Variants in ANK2 observed in about 807,000 individuals in gnomAD.
ANK2 encodes ankyrin 2, also known as ankyrin-2.
ANK2 carries 83 observed loss-of-function variants against 360.5 expected under a neutral mutation model. That is an observed-to-expected ratio of 0.23 (90% confidence interval 0.19 to 0.28). The LOEUF (loss-of-function observed/expected upper bound fraction) is 0.28. ANK2 is among the 10% of genes least tolerant of loss of function. ANK2 has a pLI of 1.00. For synonymous variants in ANK2, 1,740 were observed against 1,759.5 expected, an observed-to-expected ratio of 0.99 and a Z score of 0.28; for missense variants, 4,201 against 4,795.7, an observed-to-expected ratio of 0.88 and a Z score of 3.66.
In ANK2 at chr4:113,369,665, C is replaced by T. The variant is rs747961230; in HGVS notation, c.11470C>T (p.Pro3824Ser). The T allele has an allele frequency of 6.2e-7, 1 of 1,614,102 alleles. No individual in the cohort carries two copies. Among genetic ancestry groups the T allele is most frequent in the Non-Finnish European group, 8.5e-7 (1 of 1,180,016 alleles). ...AACATCCAGCGAGCGGGGAGGCTCT[C>T]CCATCATACAAGAACCCGAAGAGCC... ...TPTSSERGGS[P>S]IIQEPEEPSE... Residue 3824 changes from proline (P) to serine (S), a missense_variant, in exon 43 of 46, where the codon CCC becomes TCC. Coordinates refer to ENST00000357077, the MANE Select transcript of ANK2 (RefSeq NM_001148.6).
At chr4:113,323,010 G>A (rs909468409) in intron 26 of ANK2, among the ~76,000 whole-genome samples, 48 of 152,204 alleles carry the variant, frequency 3.2e-4, no homozygotes, top group African/African-American at 1.2e-3. Flanking sequence ...GGTCCATTAA[G>A]CATGTATACT....
chr4:112,831,589 T>C (rs551562730), intron 1 of ANK2, among the ~76,000 whole-genome samples: 2 of 152,238 alleles, frequency 1.3e-5, no homozygotes, highest in Non-Finnish European at 2.9e-5. Flanking sequence ...ATCAGCCCTG[T>C]AAAATGGACC....
Position 112,846,824 on chromosome 4 carries a change from G to T in ANK2, c.-40+28560G>T, listed in dbSNP as rs115048857. On this transcript the variant is annotated intron_variant, in intron 1 of 30. Coordinates refer to the ANK2 transcript ENST00000503271. ...TCGTTTTGCCCATGAGGTCATCAAA[G>T]AACTCAGTTTTCATCTCTCTTGTTG... 1.8e-3 allele frequency among the ~76,000 whole-genome samples: 270 copies of T among 152,222 alleles called. 2 individuals are homozygous for T. The highest frequency in any genetic ancestry group is 3.5e-3 in the South Asian group (17 of 4,814).
intron 1 of ANK2, among the ~76,000 whole-genome samples, chr4:112,874,140 G>A (rs1396358056): frequency 7.3e-6 from 1 of 137,680 alleles, no homozygotes; most frequent in African/African-American, 2.7e-5. Context: ...GGAGTTCAAT[G>A]GCGCCATCTC....
At chr4:112,826,260 T>A in intron 1 of ANK2, 1 of 478,150 alleles carries the variant, frequency 2.1e-6, no homozygotes, top group Non-Finnish European at 3.7e-6. Flanking sequence ...TCATAACCTG[T>A]TGTTACTATT....
At chr4:113,331,885 T>G in intron 27 of ANK2, 87 bp from the exon 28 acceptor site, 4 of 1,219,214 alleles carry the variant, frequency 3.3e-6, no homozygotes, top group South Asian at 1.2e-5. Context: ...ACCCTGTGGA[T>G]CAGCTGGCGA....
intron 1 of ANK2, among the ~76,000 whole-genome samples, chr4:113,072,765 T>TTTGG (rs142762570): frequency 8.3e-6 from 1 of 121,196 alleles, no homozygotes; most frequent in Non-Finnish European, 1.8e-5. Flanking sequence ...TTTTTTTTTT[T>TTTGG]GCTGTCTTGT....
rs372453970 is a variant in ANK2, at chr4:113,249,769, G to A, written c.897G>A (p.Gly299=). The A allele has an allele frequency of 6.2e-7, 1 of 1,614,034 alleles. No homozygotes were observed. Among genetic ancestry groups the A allele is most frequent in the Non-Finnish European group, 8.5e-7 (1 of 1,179,992 alleles). The change falls in exon 10 of 46, where the codon GGG becomes GGA. Residue 299 remains glycine (G), a synonymous_variant. Coordinates refer to ENST00000357077, the MANE Select transcript of ANK2 (RefSeq NM_001148.6). ...GGQIDAKTRD[G]LTPLHCAARS... ...TTCTTTAATTCTTTTGGCAGGATGG[G>A]TTGACACCACTTCACTGTGCTGCAC...
chr4:113,369,445 G>A (rs1465443621), intron 42 of ANK2, 69 bp from the exon 43 acceptor site: 13 of 1,556,860 alleles, frequency 8.4e-6, no homozygotes, highest in African/African-American at 1.4e-5. Context: ...CTTGCCTTTC[G>A]ATTTCCTTGC....
intron 1 of ANK2, among the ~76,000 whole-genome samples, chr4:112,878,719 C>T (rs1371705445): frequency 6.6e-6 from 1 of 152,070 alleles, no homozygotes; most frequent in Non-Finnish European, 1.5e-5. Context: ...CTACAAGCTC[C>T]GCCTCTCGTG....
Position 113,320,707 on chromosome 4 carries a change from G to C in ANK2, c.2900+2087G>C, listed in dbSNP as rs551343698. 3.3e-5 allele frequency among the ~76,000 whole-genome samples: 5 copies of C among 152,110 alleles called. No individual in the cohort carries two copies. The South Asian group carries it at 1.0e-3, about 32-fold the overall frequency. On this transcript the variant is annotated intron_variant, in intron 26 of 45. Coordinates refer to ENST00000357077, the MANE Select transcript of ANK2 (RefSeq NM_001148.6). ...AAACTAGTGCCCAGGCCTCAACCCAGACCAATTATTTGGAGGCCTGGCATT... is the reference window on the plus strand; with the variant it reads ...AAACTAGTGCCCAGGCCTCAACCCACACCAATTATTTGGAGGCCTGGCATT...
In ANK2 at chr4:113,092,201, AT is replaced by A. The variant is rs1297957138; in HGVS notation, c.84+42396del. The stretch of plus-strand genomic sequence containing the variant: ...TGAAAATTACGGTGAGACTATTTGG[AT>A]TTTTTTAAGAATGGCATCTGGCCAC... On this transcript the variant is annotated intron_variant, in intron 1 of 45. Transcript: ENST00000357077. Among the ~76,000 whole-genome samples the A allele has an allele frequency of 4.6e-5, 7 of 152,248 alleles. No homozygotes were observed. In the East Asian group the frequency reaches 1.4e-3, roughly 29 times the overall value.
chr4:113,021,532 A>ACACACC (rs1381524101), intron 2 of ANK2, among the ~76,000 whole-genome samples: 1 of 91,248 alleles, frequency 1.1e-5, no homozygotes, highest in African/African-American at 4.7e-5. Context: ...ACACACACCC[A>ACACACC]CACACAAACA....
In ANK2 at chr4:113,381,505, C is replaced by T; in HGVS notation, c.*34C>T. 6.2e-7 allele frequency: 1 copy of T among 1,614,038 alleles called. No individual in the cohort carries two copies. The highest frequency in any genetic ancestry group is 8.5e-7 in the Non-Finnish European group (1 of 1,179,978). Reference sequence around the variant, plus strand: ...CACAGAAGAGGGCTGTGGTGAAGGACCAGCATGGAAAACGCATTGACTTGG... The same window carrying T: ...CACAGAAGAGGGCTGTGGTGAAGGATCAGCATGGAAAACGCATTGACTTGG... On this transcript the variant is annotated 3_prime_UTR_variant, in exon 46 of 46. Transcript: ENST00000357077.
intron 2 of ANK2, among the ~76,000 whole-genome samples, chr4:113,003,753 G>A (rs2051681525): frequency 6.6e-6 from 1 of 152,182 alleles, no homozygotes; most frequent in Non-Finnish European, 1.5e-5. Flanking sequence ...AAGAAACACA[G>A]TCATGTGTCG....
rs948626448 is a variant in ANK2, at chr4:113,363,449, G to A, written c.10868G>A (p.Arg3623Lys). 2 of 1,613,498 alleles carry A rather than the reference G, an allele frequency of 1.2e-6. No individual in the cohort carries two copies. The highest frequency in any genetic ancestry group is 2.2e-5 in the East Asian group (1 of 44,862). The change falls in exon 40 of 46, where the codon AGG becomes AAG. Residue 3623 changes from arginine to lysine, a missense_variant. Arg to Lys is a conservative substitution (Grantham distance 26). This residue lies in a region of ANK2 where 2,642 missense variants were observed against 2,714.5 expected (regional missense o/e 0.97). Transcript: ENST00000357077. ...SHALLKYWLE[R>K]DGKHATDTNL... ...GCACTGTTGAAGTACTGGCTAGAGA[G>A]GGATGGGAAACATGCTACAGGTAAG...
intron 2 of ANK2, among the ~76,000 whole-genome samples, chr4:113,015,067 C>A (rs1322854662): frequency 6.6e-6 from 1 of 151,590 alleles, no homozygotes; most frequent in Admixed American, 6.6e-5. Context: ...ACTGTGTTAG[C>A]CAGGATGGCC....
At chr4:113,102,780 T>A (rs888974383) in intron 1 of ANK2, among the ~76,000 whole-genome samples, 2 of 152,154 alleles carry the variant, frequency 1.3e-5, no homozygotes, top group African/African-American at 2.4e-5. Context: ...CCTAGTATCT[T>A]AATCACATAC....
At chr4:112,830,717 G>T (rs1362104135) in intron 1 of ANK2, among the ~76,000 whole-genome samples, 2 of 152,178 alleles carry the variant, frequency 1.3e-5, no homozygotes, top group African/African-American at 4.8e-5. Flanking sequence ...CGCTTGAGGA[G>T]CCCTTCAGCC....
Sources: gnomAD v4.1 joint callset for allele counts (sites outside exome capture counted in the v4.1 genomes callset) on GRCh38, gnomAD v4.1.1 for gene constraint, gnomAD v4.1.1 regional missense constraint, MANE v1.5 for transcripts, NCBI Gene and HGNC (gene_info 2026-07-23, HGNC 2026-07-21) for gene names.